Variants in CPAMD8 observed in about 807,000 individuals in gnomAD.
The protein encoded by CPAMD8 is C3 and PZP-like alpha-2-macroglobulin domain-containing protein 8.
In CPAMD8, 146 loss-of-function variants were observed where a neutral mutation model predicts 224.7. The observed-to-expected ratio is 0.65, with a 90% CI of 0.57 to 0.75. CPAMD8 has a LOEUF of 0.75. Among genes scored for constraint, CPAMD8 ranks in the 30% least tolerant of loss-of-function variants. The pLI is 0.00. For missense variants in CPAMD8, 2,301 were observed against 2,537.5 expected, an observed-to-expected ratio of 0.91 and a Z score of 2.00; for synonymous variants, 966 against 1,044.6, an observed-to-expected ratio of 0.92 and a Z score of 1.45.
At chr19:16,904,888 T>C (rs1343064563) in intron 30 of CPAMD8, among the ~76,000 whole-genome samples, 2 of 152,228 alleles carry the variant, frequency 1.3e-5, no homozygotes, top group African/African-American at 2.4e-5. Context: ...GACCAGGTAC[T>C]GATCCAGCCC....
At chr19:16,925,996 G>C (rs12981484) in intron 25 of CPAMD8, among the ~76,000 whole-genome samples, 55,191 of 151,812 alleles carry the variant, frequency 0.36, 11,779 homozygotes, top group East Asian at 0.57. Context: ...CCTGACCTCA[G>C]GTGATCCACC....
At chr19:16,965,270 G>T (rs1451651070) in intron 18 of CPAMD8, among the ~76,000 whole-genome samples, 1 of 150,772 alleles carries the variant, frequency 6.6e-6, no homozygotes, top group Non-Finnish European at 1.5e-5. Context: ...AAAAAAAAAA[G>T]GTCTTCGACA....
chr19:16,957,193 C>T (rs1157508337), intron 19 of CPAMD8, among the ~76,000 whole-genome samples: 2 of 152,198 alleles, frequency 1.3e-5, no homozygotes, highest in African/African-American at 4.8e-5. Context: ...GCGTGCCTGG[C>T]TCTGCCAAGC....
At chr19:16,939,203 G>GTATC (rs1405974094) in intron 22 of CPAMD8, among the ~76,000 whole-genome samples, 3 of 104,338 alleles carry the variant, frequency 2.9e-5, no homozygotes, top group Non-Finnish European at 4.4e-5. Flanking sequence ...ATCTATCTAT[G>GTATC]TATCTATCTA....
chr19:16,900,596 A>AAAC (rs1555753106), intron 36 of CPAMD8, among the ~76,000 whole-genome samples: 6 of 151,284 alleles, frequency 4.0e-5, no homozygotes, highest in Non-Finnish European at 8.8e-5. Flanking sequence ...ACTCCATCTC[A>AAAC]AATAATAATA....
At chr19:16,987,179 A>AAAAATATATATATATATAT (rs1555784836) in intron 13 of CPAMD8, among the ~76,000 whole-genome samples, 1 of 53,918 alleles carries the variant, frequency 1.9e-5, no homozygotes, top group African/African-American at 1.0e-4. Flanking sequence ...AAAAAAAAAA[A>AAAAATATATATATATATAT]ATATATATAT....
At chr19:16,948,925 AGTGGAG>A (rs2054207105) in intron 20 of CPAMD8, among the ~76,000 whole-genome samples, 1 of 70,802 alleles carries the variant, frequency 1.4e-5, no homozygotes, top group African/African-American at 5.9e-5. Flanking sequence ...AAGGAAGGGG[AGTGGAG>A]GGGAGAGGAG....
In CPAMD8 at chr19:16,952,339, C is replaced by T. The variant is rs115891366; in HGVS notation, c.2277-139G>A. On this transcript the variant is annotated intron_variant, in intron 19 of 41. Coordinates refer to ENST00000443236, the MANE Select transcript of CPAMD8 (RefSeq NM_015692.5). ...TTAGAAACAAGCATTGAAGGCATCA[C>T]AAAAGCGGCAACAGGAAAAAAACTG... The T allele has an allele frequency of 3.6e-3, 2,255 of 631,646 alleles. 32 individuals carry two copies. In the African/African-American group the frequency reaches 0.038, roughly 11 times the overall value. 39.1% of individuals were successfully genotyped at this position (631,646 alleles called of 1,614,324 possible). A position where few individuals can be genotyped will look rare whatever the true frequency, so the allele number is the denominator to read the frequency against.
chr19:16,896,185 G>C lies in CPAMD8; in HGVS notation c.5417C>G (p.Ala1806Gly). 1 of 1,613,712 alleles carries C rather than the reference G, an allele frequency of 6.2e-7. No homozygotes were observed. Among genetic ancestry groups the C allele is most frequent in the Non-Finnish European group, 8.5e-7 (1 of 1,179,922 alleles). ...EDSDPEPEGE[A>G]EDRVTAGPRP... ...TGGGCCCAGCTGTTACCTGTCCTCC[G>C]CCTCCCCTTCAGGCTCAGGGTCTGA... The change falls in exon 41 of 42, where the codon GCG becomes GGG. Residue 1806 changes from alanine (A) to glycine (G), a missense_variant. Around this residue, in one of 4 missense-constraint regions of CPAMD8, gnomAD observed 1,709 missense variants for 1,753.2 expected, o/e 0.97. Transcript: ENST00000443236.
intron 13 of CPAMD8, among the ~76,000 whole-genome samples, chr19:16,987,179 A>AAAAATATATATATATAT (rs1555784836): frequency 1.9e-5 from 1 of 53,918 alleles, no homozygotes; most frequent in African/African-American, 1.0e-4. Context: ...AAAAAAAAAA[A>AAAAATATATATATATAT]ATATATATAT....
intron 27 of CPAMD8, among the ~76,000 whole-genome samples, chr19:16,917,838 G>A (rs1243731250): frequency 6.6e-6 from 1 of 152,168 alleles, no homozygotes; most frequent in Non-Finnish European, 1.5e-5. Context: ...TTTTGAATTT[G>A]GATTTTGGAA....
chr19:16,899,379 A>G lies in CPAMD8; in HGVS notation c.4848+96T>C, dbSNP rs2052157877. 1.4e-6 allele frequency: 1 copy of G among 727,628 alleles called. No individual in the cohort carries two copies. The highest frequency in any genetic ancestry group is 1.7e-5 in the African/African-American group (1 of 58,060). 45.1% of individuals were successfully genotyped at this position (727,628 alleles called of 1,614,324 possible). On this transcript the variant is annotated intron_variant, in intron 37 of 41. Coordinates refer to ENST00000443236, the MANE Select transcript of CPAMD8 (RefSeq NM_015692.5). The surrounding 1 kb of genome is among the most constrained non-coding windows in gnomAD (Gnocchi z 5.4). ...GCCCCAGTGTCTTTTTTATGGTACA[A>G]GATACTTGCAGGGAGCCACACCAGG...
chr19:16,928,095 A>G lies in CPAMD8; in HGVS notation c.3284T>C (p.Val1095Ala). 1 of 1,613,862 alleles carries G rather than the reference A, an allele frequency of 6.2e-7. No homozygotes were observed. Among genetic ancestry groups the G allele is most frequent in the Non-Finnish European group, 8.5e-7 (1 of 1,179,966 alleles). ...GAAGGCCTCGCTGTAGCTCTCGTCC[A>G]CCTCCATCTTCCTCCAGATTCGGAA... ...GEFRIWRKME[V>A]DESYSEAFTL... Residue 1095 changes from valine (V) to alanine (A), a missense_variant, in exon 25 of 42, where the codon GTG (valine) becomes GCG (alanine). Val to Ala is a moderately conservative substitution (Grantham distance 64, BLOSUM62 0). Around this residue, in one of 4 missense-constraint regions of CPAMD8, gnomAD observed 1,709 missense variants for 1,753.2 expected, o/e 0.97. Coordinates refer to ENST00000443236, the MANE Select transcript of CPAMD8 (RefSeq NM_015692.5).
Position 16,941,451 on chromosome 19 carries a change from C to T in CPAMD8, c.2794-3005G>A, listed in dbSNP as rs10426742. 8.5e-3 allele frequency among the ~76,000 whole-genome samples: 1,292 copies of T among 152,266 alleles called. 12 individuals are homozygous for T. The highest frequency in any genetic ancestry group is 0.03 in the African/African-American group (1,236 of 41,540). On this transcript the variant is annotated intron_variant, in intron 22 of 41. Transcript: ENST00000443236. Reference sequence around the variant, plus strand: ...TCAAAAGGCCACATGTTGTATGATTCCATTGATACAAAATGTCCCGTGGGC... The same window carrying T: ...TCAAAAGGCCACATGTTGTATGATTTCATTGATACAAAATGTCCCGTGGGC...
chr19:16,935,160 G>T (rs111626386), intron 23 of CPAMD8, among the ~76,000 whole-genome samples: 122 of 152,196 alleles, frequency 8.0e-4, no homozygotes, highest in African/African-American at 2.8e-3. Context: ...ATAATTCAGA[G>T]AGCTCTCTGT....
At chr19:17,013,842 A>G (rs1482324421) in intron 3 of CPAMD8, among the ~76,000 whole-genome samples, 1 of 151,660 alleles carries the variant, frequency 6.6e-6, no homozygotes, top group Non-Finnish European at 1.5e-5. Context: ...GGGAGAAAAA[A>G]AAAAACCACT....
At chr19:16,972,494 G>A (rs1599816654) in intron 17 of CPAMD8, among the ~76,000 whole-genome samples, 2 of 151,786 alleles carry the variant, frequency 1.3e-5, no homozygotes, top group South Asian at 4.2e-4. Flanking sequence ...GTGCAGTGGC[G>A]CGATCTCGGC....
At chr19:16,943,347 T>C (rs1197264148) in intron 22 of CPAMD8, among the ~76,000 whole-genome samples, 2 of 152,102 alleles carry the variant, frequency 1.3e-5, no homozygotes, top group Non-Finnish European at 2.9e-5. Context: ...GGTATCACGT[T>C]TTCTAGGTTT....
intron 41 of CPAMD8, chr19:16,894,185 A>C (rs897047809): frequency 7.1e-6 from 2 of 282,510 alleles, no homozygotes; most frequent in African/African-American, 4.4e-5. Flanking sequence ...GGGATCTCCC[A>C]AGGGACCTCC....
Sources: allele counts gnomAD v4.1 joint callset (sites outside exome capture counted in the v4.1 genomes callset), GRCh38; gene constraint gnomAD v4.1.1; regional missense constraint gnomAD v4.1.1; non-coding constraint Gnocchi (gnomAD v3.1); transcripts MANE v1.5; gene names NCBI Gene and HGNC (gene_info 2026-07-23, HGNC 2026-07-21).